Variants in PCNX1 observed in about 807,000 individuals in gnomAD.
The protein encoded by PCNX1 is pecanex-like protein 1.
In PCNX1, 78 loss-of-function variants were observed where a neutral mutation model predicts 242.2. That is an observed-to-expected ratio of 0.32 (90% confidence interval 0.27 to 0.39). The LOEUF is 0.39. PCNX1 is among the 10% of genes least tolerant of loss of function. PCNX1 has a pLI of 1.00. For synonymous variants in PCNX1, 1,024 were observed against 1,032.9 expected, an observed-to-expected ratio of 0.99 and a Z score of 0.17; for missense variants, 2,581 against 2,856.5, an observed-to-expected ratio of 0.90 and a Z score of 2.20.
At chr14:71,012,798 C>T in intron 10 of PCNX1, 187 bp from the exon 11 acceptor site, 1 of 534,322 alleles carries the variant, frequency 1.9e-6, no homozygotes, top group Non-Finnish European at 3.2e-6. Context: ...CACCACTGTA[C>T]TTCAGACAAG....
chr14:71,041,538 T>C (rs1303003045), intron 19 of PCNX1, among the ~76,000 whole-genome samples: 3 of 152,162 alleles, frequency 2.0e-5, no homozygotes, highest in Non-Finnish European at 4.4e-5. Flanking sequence ...GCGCTATTAA[T>C]CGTAATATCT....
rs138145723 is a variant in PCNX1 at position 71,087,208 on chromosome 14, CTT to C, written c.5338-1120_5338-1119del. On this transcript the variant is annotated intron_variant, in intron 28 of 35. Transcript: ENST00000304743. ...TTCTTTAAACTAGTGCTCTCATACT[CTT>C]TATTTACTGTTTTGTAACCTGGACC... 9.0e-3 allele frequency among the ~76,000 whole-genome samples: 1,364 copies of C among 152,270 alleles called. 10 individuals carry two copies. Among genetic ancestry groups the C allele is most frequent in the Non-Finnish European group, 0.012 (841 of 68,020 alleles).
chr14:71,068,598 G>A (rs1016982660), intron 26 of PCNX1, among the ~76,000 whole-genome samples: 1 of 142,862 alleles, frequency 7.0e-6, no homozygotes, highest in South Asian at 2.2e-4. Flanking sequence ...GTGCGTGTGT[G>A]TGTGTGTGTG....
Position 71,027,817 on chromosome 14 carries a change from G to A in PCNX1, c.3467-883G>A, listed in dbSNP as rs1052775782. Reference sequence around the variant, plus strand: ...AAGACAGAACTGGTTTCATCAATCAGCATGGCTTAATGGGTAGAAGACAGT... The same window carrying A: ...AAGACAGAACTGGTTTCATCAATCAACATGGCTTAATGGGTAGAAGACAGT... On this transcript the variant is annotated intron_variant, in intron 15 of 35. Coordinates refer to ENST00000304743, the MANE Select transcript of PCNX1 (RefSeq NM_014982.3). 2.6e-5 allele frequency among the ~76,000 whole-genome samples: 4 copies of A among 151,864 alleles called. No homozygotes were observed. In the South Asian group the frequency reaches 6.2e-4, roughly 24 times the overall value.
At chr14:71,098,553 T>TGTGTGTGTGAGAGAGAGAGA (rs60367565) in intron 30 of PCNX1, among the ~76,000 whole-genome samples, 12 of 125,736 alleles carry the variant, frequency 9.5e-5, no homozygotes, top group African/African-American at 3.8e-4. Context: ...TGTGTGTGTG[T>TGTGTGTGTGAGAGAGAGAGA]GAGAGAGAGA....
chr14:71,009,679 C>G lies in PCNX1; in HGVS notation c.2675C>G (p.Ser892Ter). The change falls in exon 9 of 36, where the codon TCA becomes TGA. Residue 892 changes from serine to a stop codon, truncating the protein, a stop_gained. Transcript: ENST00000304743. LOFTEE classifies it high-confidence loss of function. ...TLYETGGCDM[S>*]LVNFEPAARR... Reference sequence around the variant, plus strand: ...TATGAGACTGGTGGCTGTGATATGTCACTTGTGAATTTTGAACCAGCAGCA... The same window carrying G: ...TATGAGACTGGTGGCTGTGATATGTGACTTGTGAATTTTGAACCAGCAGCA... The G allele has an allele frequency of 6.2e-7, 1 of 1,603,698 alleles. No homozygotes were observed. The highest frequency in any genetic ancestry group is 8.5e-7 in the Non-Finnish European group (1 of 1,172,556).
chr14:71,062,396 A>C (rs1290016849), intron 26 of PCNX1, among the ~76,000 whole-genome samples: 1 of 151,986 alleles, frequency 6.6e-6, no homozygotes, highest in African/African-American at 2.4e-5. Flanking sequence ...AAAGTAAAAA[A>C]ATTTTAAATT....
intron 23 of PCNX1, among the ~76,000 whole-genome samples, chr14:71,051,168 C>CAAAAAA (rs758181078): frequency 7.2e-5 from 3 of 41,784 alleles, no homozygotes; most frequent in Non-Finnish European, 8.6e-5. Context: ...AACTCTGTCT[C>CAAAAAA]AAAAAAAAAA....
intron 11 of PCNX1, among the ~76,000 whole-genome samples, chr14:71,014,219 C>A (rs2059899316): frequency 6.6e-6 from 1 of 152,198 alleles, no homozygotes; most frequent in East Asian, 1.9e-4. Context: ...AGGAGCACTA[C>A]TTCACACCCA....
intron 1 of PCNX1, among the ~76,000 whole-genome samples, chr14:70,922,611 G>A (rs2053992304): frequency 6.6e-6 from 1 of 152,040 alleles, no homozygotes; most frequent in Non-Finnish European, 1.5e-5. Flanking sequence ...ATTCATATAT[G>A]TATGTACTTG....
intron 28 of PCNX1, among the ~76,000 whole-genome samples, chr14:71,078,355 C>T (rs2061768990): frequency 6.6e-6 from 1 of 152,186 alleles, no homozygotes; most frequent in Non-Finnish European, 1.5e-5. Context: ...GTGCCCTCAT[C>T]TGAATGTTTA....
rs766934069 is a variant in PCNX1, at chr14:71,089,320, G to A, written c.5567G>A (p.Arg1856His). Reference protein sequence around the residue: ...LLRKVVVPGIRMSIKLHQDHF... With the variant: ...LLRKVVVPGIHMSIKLHQDHF... The stretch of plus-strand genomic sequence containing the variant: ...AGAAAAGTAGTAGTCCCTGGGATCC[G>A]TATGTCCATTAAACTTCATCAGGTA... The change falls in exon 30 of 36, where the codon CGT becomes CAT. Residue 1856 changes from arginine to histidine, a missense_variant. Coordinates refer to ENST00000304743, the MANE Select transcript of PCNX1 (RefSeq NM_014982.3). 3 of 1,611,806 alleles carry A rather than the reference G, an allele frequency of 1.9e-6. No individual in the cohort carries two copies. The highest frequency in any genetic ancestry group is 1.7e-6 in the Non-Finnish European group (2 of 1,178,564).
chr14:71,050,606 A>T, intron 22 of PCNX1, 46 bp from the exon 23 acceptor site: 1 of 1,480,732 alleles, frequency 6.8e-7, no homozygotes, highest in Non-Finnish European at 9.1e-7. Context: ...CAAATATCTG[A>T]TAAGTTTTTT....
At chr14:70,990,406 A>AT (rs1266668291) in intron 7 of PCNX1, among the ~76,000 whole-genome samples, 2 of 151,676 alleles carry the variant, frequency 1.3e-5, no homozygotes, top group African/African-American at 2.4e-5. Context: ...AAAAATAAAA[A>AT]AAAAAAAATT....
chr14:70,969,365 T>C (rs948599681), intron 5 of PCNX1: 1 of 324,590 alleles, frequency 3.1e-6, no homozygotes, highest in Non-Finnish European at 5.7e-6. Flanking sequence ...CCAGAGTGAA[T>C]ATGAGATGGG....
At chr14:71,071,625 T>C (rs1380548815) in intron 26 of PCNX1, among the ~76,000 whole-genome samples, 1 of 152,200 alleles carries the variant, frequency 6.6e-6, no homozygotes, top group East Asian at 1.9e-4. Context: ...ACCGTGATTA[T>C]GTTTCCTGAG....
intron 8 of PCNX1, among the ~76,000 whole-genome samples, chr14:71,000,801 T>TA (rs1300720763): frequency 6.6e-6 from 1 of 152,006 alleles, no homozygotes; most frequent in Non-Finnish European, 1.5e-5. Context: ...GCTGGGATTA[T>TA]AGGCATGAGC....
intron 24 of PCNX1, among the ~76,000 whole-genome samples, chr14:71,055,055 A>G (rs2061143102): frequency 6.6e-6 from 1 of 152,208 alleles, no homozygotes. Context: ...TGATCTGGAA[A>G]ACTGCCTGAA....
intron 1 of PCNX1, among the ~76,000 whole-genome samples, chr14:70,912,885 T>C (rs2055986906): frequency 6.6e-6 from 1 of 152,186 alleles, no homozygotes; most frequent in African/African-American, 2.4e-5. Context: ...TGTTGTGCCT[T>C]CTGAAAGGAT....
Sources: gnomAD v4.1 joint callset for allele counts (sites outside exome capture counted in the v4.1 genomes callset) on GRCh38, gnomAD v4.1.1 for gene constraint, MANE v1.5 for transcripts, NCBI Gene and HGNC (gene_info 2026-07-23, HGNC 2026-07-21) for gene names.